UVRAG: variants seen among roughly 807,000 people sequenced by gnomAD.
UVRAG encodes the protein UV radiation resistance-associated gene protein.
A neutral mutation model predicts 78.0 loss-of-function variants in UVRAG; 19 were observed. The observed-to-expected ratio is 0.24, with a 90% CI of 0.17 to 0.36. The LOEUF (loss-of-function observed/expected upper bound fraction) is 0.36, where lower values mean the gene tolerates loss of function less well. UVRAG is among the 10% of genes least tolerant of loss of function. The pLI is 1.00. For missense variants in UVRAG, 740 were observed against 853.8 expected, an observed-to-expected ratio of 0.87 and a Z score of 1.66; for synonymous variants, 323 against 324.6, an observed-to-expected ratio of 1.00 and a Z score of 0.05.
At chr11:76,056,547 T>G (rs1038211191) in intron 12 of UVRAG, among the ~76,000 whole-genome samples, 6 of 152,220 alleles carry the variant, frequency 3.9e-5, no homozygotes, top group African/African-American at 1.4e-4. Context: ...TATTTTTCCT[T>G]GCATTTTTTT....
At chr11:76,125,127 C>G (rs919154054) in intron 14 of UVRAG, among the ~76,000 whole-genome samples, 21 of 152,204 alleles carry the variant, frequency 1.4e-4, no homozygotes, top group African/African-American at 5.1e-4. Flanking sequence ...AACATGTTGT[C>G]TAGCTGACGT....
In UVRAG at chr11:76,004,054, C is replaced by T. The variant is rs1257779497; in HGVS notation, c.876C>T (p.Ser292=). Residue 292 remains serine (S), a synonymous_variant, in exon 9 of 15, where the codon TCC becomes TCT. Coordinates refer to ENST00000356136, the MANE Select transcript of UVRAG (RefSeq NM_003369.4). Reference sequence around the variant, plus strand: ...TCAAACTTCAACTCCAGAAGGAATCCCTAAATGAGCTGAGGAAGGAGTGCA... The same window carrying T: ...TCAAACTTCAACTCCAGAAGGAATCTCTAAATGAGCTGAGGAAGGAGTGCA... ...EHLKLQLQKE[S]LNELRKECTA... is the part of the protein sequence containing the mutation. The T allele has an allele frequency of 6.2e-7, 1 of 1,613,930 alleles. No individual in the cohort carries two copies. Among genetic ancestry groups the T allele is most frequent in the East Asian group, 2.2e-5 (1 of 44,864 alleles).
At chr11:76,064,192 G>C (rs1241895790) in intron 12 of UVRAG, among the ~76,000 whole-genome samples, 1 of 152,192 alleles carries the variant, frequency 6.6e-6, no homozygotes, top group Non-Finnish European at 1.5e-5. Flanking sequence ...ACAGTTTCTA[G>C]ATTTATACCT....
chr11:75,893,274 A>G (rs1344677674), intron 5 of UVRAG, among the ~76,000 whole-genome samples: 5 of 152,126 alleles, frequency 3.3e-5, no homozygotes, highest in Non-Finnish European at 5.9e-5. Flanking sequence ...TAGAAACACA[A>G]AGAAGTGGGA....
Position 76,141,271 on chromosome 11 carries a change from A to T in UVRAG, c.1958A>T (p.Asn653Ile). The T allele has an allele frequency of 6.2e-7, 1 of 1,614,230 alleles. No homozygotes were observed. The highest frequency in any genetic ancestry group is 8.5e-7 in the Non-Finnish European group (1 of 1,180,040). ...TCAGGTGATCAGCTAGAAGCATTTA[A>T]CTGCATCCCAGTGGACAGTGCTGTG... ...FASGDQLEAF[N>I]CIPVDSAVAV... The change falls in exon 15 of 15, where the codon AAC becomes ATC. Residue 653 changes from asparagine to isoleucine, a missense_variant. Asn to Ile is a moderately radical substitution (Grantham distance 149). Transcript: ENST00000356136.
intron 5 of UVRAG, among the ~76,000 whole-genome samples, chr11:75,894,796 C>A (rs2134955418): frequency 1.5e-5 from 2 of 132,636 alleles, no homozygotes; most frequent in South Asian, 2.5e-4. Context: ...AGACTCCCGT[C>A]TCTACCAAAA....
At chr11:75,858,877 A>G (rs945819517) in intron 2 of UVRAG, among the ~76,000 whole-genome samples, 1 of 152,220 alleles carries the variant, frequency 6.6e-6, no homozygotes, top group Non-Finnish European at 1.5e-5. Flanking sequence ...TTGAATAGAT[A>G]CACCATATCT....
At chr11:75,980,373 C>T (rs575080631) in intron 7 of UVRAG, among the ~76,000 whole-genome samples, 1 of 152,118 alleles carries the variant, frequency 6.6e-6, no homozygotes, top group Non-Finnish European at 1.5e-5. Flanking sequence ...ACTGTATTGC[C>T]TAGGCTAGTC....
At chr11:76,021,687 TG>T (rs1271188369) in intron 12 of UVRAG, among the ~76,000 whole-genome samples, 2 of 152,260 alleles carry the variant, frequency 1.3e-5, no homozygotes, top group African/African-American at 2.4e-5. Flanking sequence ...TTGTATGTTA[TG>T]TTTTTTTAAA....
chr11:76,023,198 C>T (rs1165708798), intron 12 of UVRAG, among the ~76,000 whole-genome samples: 1 of 152,036 alleles, frequency 6.6e-6, no homozygotes, highest in Non-Finnish European at 1.5e-5. Flanking sequence ...TATCTATGGT[C>T]CTTTAATTTC....
At chr11:75,972,169 C>A (rs1234346155) in intron 7 of UVRAG, among the ~76,000 whole-genome samples, 3 of 151,938 alleles carry the variant, frequency 2.0e-5, no homozygotes, top group African/African-American at 4.8e-5. Context: ...TAGTTTTTCT[C>A]CCAGTCTGTG....
At chr11:76,054,874 A>G (rs1565139622) in intron 12 of UVRAG, among the ~76,000 whole-genome samples, 1 of 152,248 alleles carries the variant, frequency 6.6e-6, no homozygotes. Context: ...ATTGCTAAAC[A>G]AGTGAATGAA....
chr11:75,851,627 T>C (rs1946154494), intron 1 of UVRAG, among the ~76,000 whole-genome samples: 1 of 152,208 alleles, frequency 6.6e-6, no homozygotes, highest in African/African-American at 2.4e-5. Context: ...TTACATAACG[T>C]TGGTCCTTTT....
At chr11:76,005,532 T>C (rs957656495) in intron 9 of UVRAG, among the ~76,000 whole-genome samples, 14 of 152,218 alleles carry the variant, frequency 9.2e-5, no homozygotes, top group African/African-American at 3.4e-4. Flanking sequence ...TTCGTACTGT[T>C]ACACACCACT....
intron 12 of UVRAG, among the ~76,000 whole-genome samples, chr11:76,042,781 T>C (rs1357713463): frequency 6.6e-6 from 1 of 152,218 alleles, no homozygotes; most frequent in Non-Finnish European, 1.5e-5. Flanking sequence ...CTGTATGTTA[T>C]ACATTAATAA....
chr11:76,031,425 A>G (rs1565128161), intron 12 of UVRAG, among the ~76,000 whole-genome samples: 1 of 152,150 alleles, frequency 6.6e-6, no homozygotes, highest in Admixed American at 6.5e-5. Context: ...GTCAAGAGAA[A>G]TTGTGCAGCT....
intron 14 of UVRAG, among the ~76,000 whole-genome samples, chr11:76,130,163 A>G (rs1487237512): frequency 6.6e-6 from 1 of 152,138 alleles, no homozygotes; most frequent in Admixed American, 6.5e-5. Context: ...CCACCAACCC[A>G]TTCTTTACCT....
chr11:75,883,460 T>G (rs1238779314), intron 4 of UVRAG, among the ~76,000 whole-genome samples: 2 of 151,252 alleles, frequency 1.3e-5, no homozygotes, highest in African/African-American at 4.8e-5. Flanking sequence ...AAGTCAAAAC[T>G]TATCTATAAA....
chr11:76,140,463 C>G (rs1952695212), intron 14 of UVRAG, among the ~76,000 whole-genome samples: 1 of 152,114 alleles, frequency 6.6e-6, no homozygotes, highest in South Asian at 2.1e-4. Context: ...CCTGCCCTGC[C>G]TTGGGCCCTC....
Sources: allele counts gnomAD v4.1 joint callset (sites outside exome capture counted in the v4.1 genomes callset), GRCh38; gene constraint gnomAD v4.1.1; transcripts MANE v1.5; gene names NCBI Gene and HGNC (gene_info 2026-07-23, HGNC 2026-07-21).